Variants in PAK5 observed in about 807,000 individuals in gnomAD.
The protein encoded by PAK5 is p21 (RAC1) activated kinase 5, also known as serine/threonine-protein kinase PAK 5.
PAK5 carries 16 observed loss-of-function variants against 65.9 expected under a neutral mutation model. That is an observed-to-expected ratio of 0.24 (90% confidence interval 0.16 to 0.37). The LOEUF is 0.37. Ranked by LOEUF, PAK5 falls within the 10% of genes least tolerant of loss-of-function variation. The pLI, the probability that PAK5 is intolerant of heterozygous loss-of-function variation, is 1.00. For missense variants in PAK5, 785 were observed against 903.9 expected (o/e 0.87, Z 1.69); for synonymous variants, 371 against 354.9 (o/e 1.05, Z -0.51).
chr20:9,682,447 T>C (rs904469577), intron 2 of PAK5, among the ~76,000 whole-genome samples: 2 of 152,078 alleles, frequency 1.3e-5, no homozygotes, highest in South Asian at 2.1e-4. Context: ...GTGAGGTGAA[T>C]CTGACATTCT....
rs150435449 is a variant in PAK5, at chr20:9,828,439, G to A, written c.-162+10323C>T. On this transcript the variant is annotated intron_variant, in intron 1 of 9. Transcript: ENST00000353224. ...AAATTTTTTTAAATCCCCCTCCTCC[G>A]TCAGTGTTTTTATTTTTAGAAGTTA... Among the ~76,000 whole-genome samples, 844 of 151,986 alleles carry A rather than the reference G, an allele frequency of 5.6e-3. 10 individuals carry two copies. The highest frequency in any genetic ancestry group is 0.037 in the East Asian group (192 of 5,174).
At chr20:9,577,492 T>C (rs150249245) in intron 4 of PAK5, 27 of 152,112 alleles carry the variant, frequency 1.8e-4, no homozygotes, top group African/African-American at 6.3e-4. Context: ...TTACTGGAGA[T>C]GAAAACATGA....
chr20:9,599,091 G>A (rs1311483443), intron 3 of PAK5, among the ~76,000 whole-genome samples: 2 of 152,044 alleles, frequency 1.3e-5, no homozygotes. Flanking sequence ...TGCCTATCTA[G>A]CTTCCCCATA....
chr20:9,829,752 TA>T (rs370994954), intron 1 of PAK5, among the ~76,000 whole-genome samples: 7 of 152,070 alleles, frequency 4.6e-5, no homozygotes, highest in Admixed American at 6.6e-5. Context: ...TAAATCAAGC[TA>T]AAAAAATGTT....
intron 1 of PAK5, among the ~76,000 whole-genome samples, chr20:9,811,786 G>A (rs79461919): frequency 1.2e-3 from 187 of 152,170 alleles, no homozygotes; most frequent in Admixed American, 3.7e-3. Context: ...TGCAAAGTTG[G>A]ACAATGGAAG....
intron 1 of PAK5, among the ~76,000 whole-genome samples, chr20:9,809,056 G>A (rs1175449701): frequency 6.6e-6 from 1 of 152,100 alleles, no homozygotes; most frequent in Non-Finnish European, 1.5e-5. Flanking sequence ...TTTATGTGAT[G>A]AAATTGCTTA....
At chr20:9,632,334 T>C (rs1019053093) in intron 3 of PAK5, among the ~76,000 whole-genome samples, 13 of 152,154 alleles carry the variant, frequency 8.5e-5, no homozygotes, top group Non-Finnish European at 1.6e-4. Context: ...TAAAATATGA[T>C]GGGCTCAGGG....
chr20:9,609,033 CA>C (rs1389995682), intron 3 of PAK5, among the ~76,000 whole-genome samples: 1 of 152,220 alleles, frequency 6.6e-6, no homozygotes, highest in Non-Finnish European at 1.5e-5. Context: ...TTGTCGGGAA[CA>C]TATGAATTCA....
intron 2 of PAK5, among the ~76,000 whole-genome samples, chr20:9,694,583 CATT>C (rs2047843443): frequency 6.6e-6 from 1 of 152,018 alleles, no homozygotes; most frequent in Non-Finnish European, 1.5e-5. Flanking sequence ...AAAGGCAAAA[CATT>C]ATCTTAGCTT....
chr20:9,712,618 A>G (rs1378377351), intron 1 of PAK5, among the ~76,000 whole-genome samples: 1 of 152,198 alleles, frequency 6.6e-6, no homozygotes, highest in Admixed American at 6.5e-5. Flanking sequence ...ATTTCAGTTT[A>G]TACTACAAAG....
At chr20:9,699,813 T>C (rs1424374042) in intron 2 of PAK5, among the ~76,000 whole-genome samples, 1 of 152,086 alleles carries the variant, frequency 6.6e-6, no homozygotes, top group Non-Finnish European at 1.5e-5. Context: ...CATGCATTTG[T>C]GATGGAGATG....
chr20:9,688,036 G>A (rs1183628840), intron 2 of PAK5, among the ~76,000 whole-genome samples: 1 of 151,984 alleles, frequency 6.6e-6, no homozygotes, highest in Non-Finnish European at 1.5e-5. Flanking sequence ...TGGGGGCAGG[G>A]ACTGGGATAA....
chr20:9,616,124 T>A (rs1233911484), intron 3 of PAK5, among the ~76,000 whole-genome samples: 2 of 152,190 alleles, frequency 1.3e-5, no homozygotes, highest in Non-Finnish European at 1.5e-5. Flanking sequence ...GGCTAATTTT[T>A]AAAATAAAGC....
chr20:9,622,694 G>C (rs2046787380), intron 3 of PAK5, among the ~76,000 whole-genome samples: 1 of 152,202 alleles, frequency 6.6e-6, no homozygotes, highest in Admixed American at 6.5e-5. Flanking sequence ...AAACCCTATG[G>C]TGAACCAAGC....
chr20:9,562,124 T>C (rs2045600272), intron 6 of PAK5, among the ~76,000 whole-genome samples: 1 of 152,236 alleles, frequency 6.6e-6, no homozygotes, highest in East Asian at 1.9e-4. Context: ...TGTCACCTTA[T>C]ATTAAATAGA....
At chr20:9,562,612 A>T (rs968571449) in intron 6 of PAK5, among the ~76,000 whole-genome samples, 1 of 152,172 alleles carries the variant, frequency 6.6e-6, no homozygotes, top group Non-Finnish European at 1.5e-5. Context: ...GCGACAGGAC[A>T]TTCTATTATT....
intron 3 of PAK5, among the ~76,000 whole-genome samples, chr20:9,628,115 TG>T (rs1242747192): frequency 2.0e-5 from 3 of 152,240 alleles, no homozygotes; most frequent in Non-Finnish European, 4.4e-5. Context: ...CATTATACTT[TG>T]TACATGTGAC....
chr20:9,818,522 A>C (rs1484637721), intron 1 of PAK5, among the ~76,000 whole-genome samples: 1 of 152,226 alleles, frequency 6.6e-6, no homozygotes, highest in Non-Finnish European at 1.5e-5. Flanking sequence ...TCTCGCAAGG[A>C]TGAATCTTGG....
At chr20:9,691,567 T>C (rs1389173539) in intron 2 of PAK5, among the ~76,000 whole-genome samples, 1 of 152,200 alleles carries the variant, frequency 6.6e-6, no homozygotes, top group African/African-American at 2.4e-5. Context: ...ATAGGTGTCC[T>C]TTCCTTGCTC....
Sources: allele counts gnomAD v4.1 joint callset (sites outside exome capture counted in the v4.1 genomes callset), GRCh38; gene constraint gnomAD v4.1.1; transcripts MANE v1.5; gene names NCBI Gene and HGNC (gene_info 2026-07-23, HGNC 2026-07-21).